The following WDR70 variants were observed in gnomAD, a reference collection of about 807,000 sequenced individuals.
WDR70 encodes the protein WD repeat-containing protein 70.
A neutral mutation model predicts 88.6 loss-of-function variants in WDR70; 53 were observed. The ratio of observed to expected loss-of-function variants is 0.60; its 90% CI spans 0.48 to 0.75. The LOEUF (loss-of-function observed/expected upper bound fraction) is 0.75, where lower values mean the gene tolerates loss of function less well. Among genes scored for constraint, WDR70 ranks in the 30% least tolerant of loss-of-function variants. The pLI is 0.00. For synonymous variants in WDR70, 280 were observed against 270.0 expected (o/e 1.04, Z -0.36); for missense variants, 610 against 823.2 (o/e 0.74, Z 3.17).
rs565056363 is a variant in WDR70, at chr5:37,420,377, C to T, written c.493-17545C>T. ...AAGTAAAATAGTTTCCTTGATCTTT[C>T]ACCTTTTGTTGACGTGTATACAAGT... On this transcript the variant is annotated intron_variant, in intron 5 of 17. Transcript: ENST00000265107. Among the ~76,000 whole-genome samples the T allele has an allele frequency of 6.6e-5, 10 of 152,278 alleles. No individual in the cohort carries two copies. The South Asian group carries it at 1.9e-3, about 28-fold the overall frequency.
chr5:37,652,180 A>G (rs1304019257), intron 10 of WDR70, among the ~76,000 whole-genome samples: 3 of 152,184 alleles, frequency 2.0e-5, no homozygotes, highest in African/African-American at 7.2e-5. Context: ...TCCCAACACC[A>G]TTTATTACAT....
At chr5:37,557,921 C>CAAAAGAGTACTCTTTTGAAAACTCTTG in intron 9 of WDR70, among the ~76,000 whole-genome samples, 1 of 135,428 alleles carries the variant, frequency 7.4e-6, no homozygotes, top group Admixed American at 7.5e-5. Flanking sequence ...GAAAACTCTT[C>CAAAAGAGTACTCTTTTGAAAACTCTTG]AAAAGAGTAC....
At chr5:37,638,325 T>C (rs1745025143) in intron 10 of WDR70, among the ~76,000 whole-genome samples, 1 of 152,242 alleles carries the variant, frequency 6.6e-6, no homozygotes, top group South Asian at 2.1e-4. Flanking sequence ...GTCATTATAG[T>C]ACAGTGGTTA....
chr5:37,597,098 A>G (rs899240144), intron 9 of WDR70, among the ~76,000 whole-genome samples: 1 of 152,198 alleles, frequency 6.6e-6, no homozygotes, highest in Non-Finnish European at 1.5e-5. Flanking sequence ...CATTAACAGA[A>G]TGAAGATTTG....
chr5:37,510,359 G>T (rs561819598), intron 8 of WDR70, among the ~76,000 whole-genome samples: 7 of 152,142 alleles, frequency 4.6e-5, no homozygotes, highest in African/African-American at 1.7e-4. Flanking sequence ...ACATATATGT[G>T]TGTTTAGTTT....
rs559021734 is a variant in WDR70, at chr5:37,604,338, G to T, written c.918-726G>T. Among the ~76,000 whole-genome samples the T allele has an allele frequency of 1.1e-4, 16 of 152,282 alleles. No homozygotes were observed. The East Asian group carries it at 3.1e-3, about 29-fold the overall frequency. On this transcript the variant is annotated intron_variant, in intron 9 of 17. Coordinates refer to ENST00000265107, the MANE Select transcript of WDR70 (RefSeq NM_018034.4). ...ACTTTAAGGATGTTGTTCCATAGTG[G>T]TTAGGCTTCCATAGTTTCTGGCAAG...
intron 7 of WDR70, among the ~76,000 whole-genome samples, chr5:37,476,114 G>A (rs1325136199): frequency 6.6e-6 from 1 of 151,936 alleles, no homozygotes; most frequent in Non-Finnish European, 1.5e-5. Flanking sequence ...GCCTCCCAAA[G>A]TGCTGGGATT....
chr5:37,537,657 T>G (rs1162935549), intron 9 of WDR70, among the ~76,000 whole-genome samples: 1 of 152,134 alleles, frequency 6.6e-6, no homozygotes, highest in African/African-American at 2.4e-5. Flanking sequence ...ATGGCTTAAT[T>G]TTATTGTTGA....
intron 8 of WDR70, among the ~76,000 whole-genome samples, chr5:37,510,166 G>C (rs150604248): frequency 6.6e-6 from 1 of 151,828 alleles, no homozygotes; most frequent in Non-Finnish European, 1.5e-5. Flanking sequence ...GGGGTGTAAA[G>C]CTTCTTTATA....
intron 8 of WDR70, chr5:37,505,939 C>T: frequency 2.7e-6 from 4 of 1,485,738 alleles, no homozygotes; most frequent in South Asian, 1.1e-5. Flanking sequence ...AGATTAGCAC[C>T]TTCTAAATTG....
intron 10 of WDR70, among the ~76,000 whole-genome samples, chr5:37,673,206 T>C (rs1186248807): frequency 6.6e-6 from 1 of 152,166 alleles, no homozygotes; most frequent in Admixed American, 6.5e-5. Context: ...TCCATCTCCA[T>C]CCATGTTCCT....
intron 10 of WDR70, among the ~76,000 whole-genome samples, chr5:37,696,856 C>T (rs757861177): frequency 1.3e-5 from 2 of 152,170 alleles, no homozygotes; most frequent in African/African-American, 2.4e-5. Flanking sequence ...TGTAGAATTA[C>T]AAGTCTTTAA....
At chr5:37,722,992 G>C in intron 15 of WDR70, 58 bp downstream of exon 15, 1 of 1,591,882 alleles carries the variant, frequency 6.3e-7, no homozygotes, top group Non-Finnish European at 8.6e-7. Flanking sequence ...ATGTGGTTTT[G>C]ATTGCATAGC....
At position 37,602,082 on chromosome 5, in the gene WDR70, T is replaced by G. The variant is rs185686416; in HGVS notation, c.918-2982T>G. On this transcript the variant is annotated intron_variant, in intron 9 of 17. Coordinates refer to ENST00000265107, the MANE Select transcript of WDR70 (RefSeq NM_018034.4). ...TGGGGCCTGTCGGGGGGTGGGAGGC[T>G]AGGGGAGGGATAACATTAGGAGAAA... is the stretch of plus-strand genomic sequence containing the variant. Among the ~76,000 whole-genome samples the G allele has an allele frequency of 7.3e-3, 1,012 of 138,096 alleles. 15 individuals are homozygous for G. The highest frequency in any genetic ancestry group is 0.026 in the African/African-American group (952 of 36,268). 90.6% of individuals were successfully genotyped at this position (138,096 alleles called of 152,430 possible). A position where few individuals can be genotyped will look rare whatever the true frequency, so the allele number is the denominator to read the frequency against.
At chr5:37,533,312 C>T (rs187387528) in intron 9 of WDR70, among the ~76,000 whole-genome samples, 56 of 152,312 alleles carry the variant, frequency 3.7e-4, no homozygotes, top group Admixed American at 6.5e-4. Flanking sequence ...ACTTGCCCTA[C>T]GGGCTGGGCA....
chr5:37,515,019 GA>G (rs770128168), intron 8 of WDR70, among the ~76,000 whole-genome samples: 182 of 52,964 alleles, frequency 3.4e-3, no homozygotes, highest in African/African-American at 3.7e-3. Context: ...CCTGTCTCAA[GA>G]AAAAAAAAAA....
chr5:37,749,547 T>G (rs2112747511), intron 17 of WDR70, among the ~76,000 whole-genome samples: 1 of 150,166 alleles, frequency 6.7e-6, no homozygotes, highest in African/African-American at 2.5e-5. Flanking sequence ...ACATGTATCC[T>G]GTTTTTTTTT....
At chr5:37,406,767 C>A (rs565046041) in intron 5 of WDR70, among the ~76,000 whole-genome samples, 21 of 152,110 alleles carry the variant, frequency 1.4e-4, no homozygotes, top group Admixed American at 1.0e-3. Context: ...TAAAAGGAAA[C>A]TTTCGTATCA....
At chr5:37,474,357 T>C (rs1739415281) in intron 7 of WDR70, among the ~76,000 whole-genome samples, 2 of 152,236 alleles carry the variant, frequency 1.3e-5, no homozygotes, top group Admixed American at 6.5e-5. Context: ...TCTATCCTTA[T>C]TGCTCTTCAA....
Sources: allele counts gnomAD v4.1 joint callset (sites outside exome capture counted in the v4.1 genomes callset), GRCh38; gene constraint gnomAD v4.1.1; transcripts MANE v1.5; gene names NCBI Gene and HGNC (gene_info 2026-07-23, HGNC 2026-07-21).